Variants in RAI14 observed in about 807,000 individuals in gnomAD.
RAI14 encodes the protein retinoic acid induced 14, also known as ankycorbin.
A neutral mutation model predicts 115.4 loss-of-function variants in RAI14; 45 were observed. That is an observed-to-expected ratio of 0.39 (90% CI 0.31 to 0.50). The LOEUF (loss-of-function observed/expected upper bound fraction) is 0.50. Ranked by LOEUF, RAI14 falls within the 20% of genes least tolerant of loss-of-function variation. RAI14 has a pLI of 0.85. For synonymous variants in RAI14, 371 were observed against 415.4 expected (o/e 0.89, Z 1.30); for missense variants, 939 against 1,131.2 (o/e 0.83, Z 2.44).
chr5:34,730,384 A>G (rs1026071156), intron 2 of RAI14, among the ~76,000 whole-genome samples: 19 of 152,208 alleles, frequency 1.2e-4, no homozygotes, highest in African/African-American at 4.6e-4. Flanking sequence ...TAAAATAACA[A>G]TTTATTGGCC....
At chr5:34,711,621 G>A (rs1741413040) in intron 2 of RAI14, among the ~76,000 whole-genome samples, 1 of 152,306 alleles carries the variant, frequency 6.6e-6, no homozygotes, top group South Asian at 2.1e-4. Flanking sequence ...TGAGATTATT[G>A]CCCTTATTAA....
intron 2 of RAI14, among the ~76,000 whole-genome samples, chr5:34,701,959 C>G (rs368900466): frequency 6.6e-6 from 1 of 151,948 alleles, no homozygotes; most frequent in Non-Finnish European, 1.5e-5. Context: ...ATTACAGGTG[C>G]CTGCTACCAC....
At chr5:34,702,342 G>A (rs1740179121) in intron 2 of RAI14, among the ~76,000 whole-genome samples, 1 of 152,164 alleles carries the variant, frequency 6.6e-6, no homozygotes, top group Non-Finnish European at 1.5e-5. Flanking sequence ...AATTAGGCTG[G>A]TGTGGTATGC....
intron 4 of RAI14, 147 bp from the exon 5 acceptor site, chr5:34,803,565 A>G: frequency 1.5e-6 from 1 of 671,764 alleles, no homozygotes. Context: ...TCAAAAAACA[A>G]AAAAACAAAC....
intron 2 of RAI14, among the ~76,000 whole-genome samples, chr5:34,722,617 G>A (rs1310117404): frequency 1.3e-5 from 2 of 152,258 alleles, no homozygotes; most frequent in South Asian, 2.1e-4. Context: ...AGGCTGAGGC[G>A]GGCAGATCAT....
In RAI14 at chr5:34,824,295, A is replaced by C; in HGVS notation, c.2453A>C (p.His818Pro). 6.2e-7 allele frequency: 1 copy of C among 1,614,242 alleles called. No individual in the cohort carries two copies. Among genetic ancestry groups the C allele is most frequent in the Non-Finnish European group, 8.5e-7 (1 of 1,180,034 alleles). The change falls in exon 15 of 18, where the codon CAT (histidine) becomes CCT (proline). Residue 818 changes from histidine to proline, a missense_variant. Transcript: ENST00000265109. ...TCTGTGAAAGAGAAAGAGAAGGTCC[A>C]TTCAGAGGTTGTCCAGATTAGAAGT... ...KESVKEKEKV[H>P]SEVVQIRSEV...
chr5:34,831,598 A>AT lies in RAI14; in HGVS notation c.*840dup, dbSNP rs1234971163. 1 of 152,430 alleles carries AT rather than the reference A, an allele frequency of 6.6e-6. No homozygotes were observed. The highest frequency in any genetic ancestry group is 1.5e-5 in the Non-Finnish European group (1 of 68,008). The allele number at this position is 152,430 out of a possible 1,614,324, so 9.4% of individuals were successfully genotyped here. On this transcript the variant is annotated 3_prime_UTR_variant, in exon 18 of 18. Transcript: ENST00000265109. ...TCTTAACCTCAACTTTTGTAGAAGT[A>AT]TTTTTTTCTCTGTAATATTTTTATT...
rs532535241 is a variant in RAI14 at position 34,807,797 on chromosome 5, T to C, written c.322-3T>C. ...TATGGATGTATTTATTTTTGTCTTA[T>C]AGTCTAAATGCCCAGCCGAAAGTGT... is the stretch of plus-strand genomic sequence containing the variant. On this transcript the variant is annotated splice_polypyrimidine_tract_variant and splice_region_variant and intron_variant, in intron 5 of 17. Transcript: ENST00000265109. 2.2e-5 allele frequency: 35 copies of C among 1,604,956 alleles called. No individual in the cohort carries two copies. The East Asian group carries it at 3.3e-4, about 15-fold the overall frequency.
intron 3 of RAI14, among the ~76,000 whole-genome samples, chr5:34,788,389 A>G (rs1752562184): frequency 1.3e-5 from 2 of 152,064 alleles, no homozygotes; most frequent in Non-Finnish European, 2.9e-5. Context: ...GACATTGCCA[A>G]ATGTTCCAAG....
intron 3 of RAI14, among the ~76,000 whole-genome samples, chr5:34,775,583 T>C (rs1205329168): frequency 6.6e-6 from 1 of 152,060 alleles, no homozygotes; most frequent in Non-Finnish European, 1.5e-5. Context: ...AATGAATGAA[T>C]GAATGGGCAA....
At chr5:34,698,203 T>C (rs1739577089) in intron 2 of RAI14, among the ~76,000 whole-genome samples, 2 of 114,528 alleles carry the variant, frequency 1.7e-5, no homozygotes, top group Admixed American at 1.9e-4. Flanking sequence ...CCTCCCTCTC[T>C]CCCTTCCCCT....
At chr5:34,759,195 G>C (rs977013979) in intron 3 of RAI14, among the ~76,000 whole-genome samples, 2 of 152,014 alleles carry the variant, frequency 1.3e-5, no homozygotes, top group African/African-American at 4.8e-5. Context: ...CCTAGGAGGC[G>C]TAGGTTGCAG....
At chr5:34,822,250 G>GTATATATATATATATATATATATATATA (rs376790121) in intron 14 of RAI14, among the ~76,000 whole-genome samples, 1 of 134,740 alleles carries the variant, frequency 7.4e-6, no homozygotes, top group Non-Finnish European at 1.6e-5. Context: ...ATGTGTGTAT[G>GTATATATATATATATATATATATATATA]TATATATATA....
intron 1 of RAI14, among the ~76,000 whole-genome samples, chr5:34,675,490 T>G (rs1290912706): frequency 6.6e-6 from 1 of 152,198 alleles, no homozygotes; most frequent in Non-Finnish European, 1.5e-5. Flanking sequence ...TGGTGGCTCA[T>G]GCCTGTAATC....
chr5:34,679,220 A>C (rs1022798868), intron 1 of RAI14, among the ~76,000 whole-genome samples: 1 of 152,240 alleles, frequency 6.6e-6, no homozygotes, highest in Non-Finnish European at 1.5e-5. Context: ...GATGTGAGTA[A>C]GAGCCCTGTT....
intron 1 of RAI14, among the ~76,000 whole-genome samples, chr5:34,670,614 T>G (rs1302578219): frequency 6.6e-6 from 1 of 152,230 alleles, no homozygotes; most frequent in Non-Finnish European, 1.5e-5. Flanking sequence ...GCCATTATAA[T>G]CTATAGCAAT....
Position 34,707,305 on chromosome 5 carries a change from A to G in RAI14, c.36+20350A>G, listed in dbSNP as rs553178502. 1.6e-4 allele frequency among the ~76,000 whole-genome samples: 24 copies of G among 152,256 alleles called. No homozygotes were observed. In the South Asian group the frequency reaches 4.8e-3, roughly 30 times the overall value. ...AACATGGTAAAACCACATCTCTACT[A>G]AAAATACAGAAATTAGCCCGACGTG... On this transcript the variant is annotated intron_variant, in intron 2 of 17. Coordinates refer to ENST00000265109, the MANE Select transcript of RAI14 (RefSeq NM_015577.3).
chr5:34,807,132 A>G (rs963190760), intron 5 of RAI14, among the ~76,000 whole-genome samples: 9 of 152,092 alleles, frequency 5.9e-5, no homozygotes, highest in African/African-American at 2.2e-4. Flanking sequence ...TCTAGATGAT[A>G]TTTCAGGTTG....
intron 2 of RAI14, among the ~76,000 whole-genome samples, chr5:34,706,536 A>G (rs1209806883): frequency 6.6e-6 from 1 of 152,252 alleles, no homozygotes; most frequent in African/African-American, 2.4e-5. Flanking sequence ...TTAACATTTG[A>G]AAATGATACT....
Sources: allele counts gnomAD v4.1 joint callset (sites outside exome capture counted in the v4.1 genomes callset), GRCh38; gene constraint gnomAD v4.1.1; transcripts MANE v1.5; gene names NCBI Gene and HGNC (gene_info 2026-07-23, HGNC 2026-07-21).